KHDRBS1: variants seen among roughly 807,000 people sequenced by gnomAD.
The protein encoded by KHDRBS1 is KH RNA binding domain containing, signal transduction associated 1, also known as KH domain-containing, RNA-binding, signal transduction-associated protein 1.
Under a neutral mutation model 48.4 loss-of-function variants are expected in KHDRBS1, and 7 were observed. The ratio of observed to expected loss-of-function variants is 0.14; its 90% CI spans 0.08 to 0.27. The LOEUF is 0.27. KHDRBS1 is among the 10% of genes least tolerant of loss of function. KHDRBS1 has a pLI of 1.00. For missense variants in KHDRBS1, 458 were observed against 601.2 expected, an observed-to-expected ratio of 0.76 and a Z score of 2.49; for synonymous variants, 241 against 235.8, an observed-to-expected ratio of 1.02 and a Z score of -0.20.
At chr1:32,017,450 T>C (rs2124354113) in intron 1 of KHDRBS1, among the ~76,000 whole-genome samples, 1 of 152,104 alleles carries the variant, frequency 6.6e-6, no homozygotes, top group East Asian at 1.9e-4. Flanking sequence ...CTAAGTAAAA[T>C]GCTGTTGTAT....
rs537608271 is a variant in KHDRBS1, at chr1:32,025,475, A to G, written c.383-4823A>G. On this transcript the variant is annotated intron_variant, in intron 1 of 8. Coordinates refer to ENST00000327300, the MANE Select transcript of KHDRBS1 (RefSeq NM_006559.3). ...GCCACCATGCCCAGCTCATTTTTGT[A>G]CTTTTAATAGAGATGGGGTTTCACT... Among the ~76,000 whole-genome samples, 9 of 150,928 alleles carry G rather than the reference A, an allele frequency of 6.0e-5. No homozygotes were observed. The East Asian group carries it at 1.8e-3, about 31-fold the overall frequency.
intron 10 of KHDRBS1, among the ~76,000 whole-genome samples, chr1:32,049,182 A>C (rs1639389039): frequency 6.6e-6 from 1 of 151,402 alleles, no homozygotes; most frequent in African/African-American, 2.4e-5. Context: ...TGCCTTCCTG[A>C]GTAGCTGGGA....
At chr1:32,017,201 TGAGCCCAG>T (rs1173895940) in intron 1 of KHDRBS1, among the ~76,000 whole-genome samples, 2 of 150,930 alleles carry the variant, frequency 1.3e-5, no homozygotes, top group Non-Finnish European at 2.9e-5. Flanking sequence ...GAGGTTACAG[TGAGCCCAG>T]ATTGCACCAT....
intron 1 of KHDRBS1, among the ~76,000 whole-genome samples, chr1:32,016,037 G>C (rs1028740360): frequency 6.6e-6 from 1 of 151,996 alleles, no homozygotes; most frequent in Non-Finnish European, 1.5e-5. Context: ...AATTAGCTTC[G>C]CGTGGTGGCG....
intron 1 of KHDRBS1, among the ~76,000 whole-genome samples, chr1:32,027,955 A>C (rs6686158): frequency 0.028 from 4,218 of 152,226 alleles, 186 homozygotes; most frequent in African/African-American, 0.095. Flanking sequence ...TCTACTAAAA[A>C]TAGGGAAAAA....
Position 32,037,965 on chromosome 1 carries a change from A to G in KHDRBS1, c.1036A>G (p.Arg346Gly). The G allele has an allele frequency of 1.2e-6, 2 of 1,614,272 alleles. No homozygotes were observed. The highest frequency in any genetic ancestry group is 1.7e-6 in the Non-Finnish European group (2 of 1,180,050). ...PPTVRGAPAP[R>G]ARTAGIQRIP... Reference sequence around the variant, plus strand: ...TACTGTGAGGGGTGCTCCAGCACCAAGAGCACGGACAGCGGGCATCCAGAG... The same window carrying G: ...TACTGTGAGGGGTGCTCCAGCACCAGGAGCACGGACAGCGGGCATCCAGAG... Residue 346 changes from arginine (R) to glycine (G), a missense_variant, in exon 6 of 9, where the codon AGA (arginine) becomes GGA (glycine). This residue lies in a region of KHDRBS1 where 171 missense variants were observed against 228.7 expected (regional missense o/e 0.75). Coordinates refer to ENST00000327300, the MANE Select transcript of KHDRBS1 (RefSeq NM_006559.3).
chr1:32,026,636 CCTT>C (rs1175173135), intron 1 of KHDRBS1, among the ~76,000 whole-genome samples: 2 of 152,156 alleles, frequency 1.3e-5, no homozygotes, highest in Non-Finnish European at 2.9e-5. Flanking sequence ...TATAAACACA[CCTT>C]CTTGTAGGAG....
rs747735347 is a variant in KHDRBS1 at position 32,038,584 on chromosome 1, C to T, written c.1140C>T (p.Tyr380=). 5.6e-6 allele frequency: 9 copies of T among 1,613,542 alleles called. No individual in the cohort carries two copies. The highest frequency in any genetic ancestry group is 1.1e-5 in the South Asian group (1 of 91,062). ...ATGATACATACGCAGAACAAAGTTA[C>T]GAAGGCTACGAAGGCTATTACAGCC... The part of the protein sequence containing the change: ...GYDDTYAEQS[Y]EGYEGYYSQS... Residue 380 remains tyrosine, a synonymous_variant, in exon 7 of 9, where the codon TAC becomes TAT. Transcript: ENST00000327300.
intron 1 of KHDRBS1, among the ~76,000 whole-genome samples, chr1:32,015,180 T>C (rs1638716024): frequency 6.6e-6 from 1 of 152,098 alleles, no homozygotes. Context: ...CTTGGCCTTT[T>C]TGTTGCTGTT....
chr1:32,026,006 TG>T (rs1161510946), intron 1 of KHDRBS1, among the ~76,000 whole-genome samples: 1 of 151,678 alleles, frequency 6.6e-6, no homozygotes, highest in Non-Finnish European at 1.5e-5. Context: ...CTCAAGCTCC[TG>T]GGCTCAAAGC....
chr1:32,021,295 C>G (rs2124360925), intron 1 of KHDRBS1, among the ~76,000 whole-genome samples: 1 of 151,856 alleles, frequency 6.6e-6, no homozygotes, highest in East Asian at 1.9e-4. Context: ...AATACCCAGC[C>G]TTTCTATACC....
chr1:32,027,599 G>T (rs887077768), intron 1 of KHDRBS1, among the ~76,000 whole-genome samples: 1 of 152,250 alleles, frequency 6.6e-6, no homozygotes, highest in East Asian at 1.9e-4. Context: ...AGGAGTAAAG[G>T]TTTTTAATTA....
At chr1:32,028,271 A>G (rs1226739081) in intron 1 of KHDRBS1, among the ~76,000 whole-genome samples, 2 of 152,018 alleles carry the variant, frequency 1.3e-5, no homozygotes, top group African/African-American at 4.8e-5. Flanking sequence ...TGGAAATGCA[A>G]ATTCCTAACA....
intron 10 of KHDRBS1, among the ~76,000 whole-genome samples, chr1:32,059,073 CTG>C (rs1639513556): frequency 6.8e-6 from 1 of 147,422 alleles, no homozygotes; most frequent in Admixed American, 7.0e-5. Flanking sequence ...AGGAGAATCA[CTG>C]GAACCCAGAA....
intron 3 of KHDRBS1, among the ~76,000 whole-genome samples, chr1:32,032,638 A>C (rs1425985951): frequency 6.6e-6 from 1 of 152,184 alleles, no homozygotes; most frequent in African/African-American, 2.4e-5. Context: ...AATTAACTGT[A>C]AGCAGCAGAC....
intron 1 of KHDRBS1, among the ~76,000 whole-genome samples, chr1:32,016,439 A>G (rs1638742442): frequency 6.6e-6 from 1 of 152,150 alleles, no homozygotes. Flanking sequence ...CCCTCACTAT[A>G]GTGCCTGCTG....
chr1:32,038,750 A>G lies in KHDRBS1; in HGVS notation c.1175+131A>G, dbSNP rs895264541. The G allele has an allele frequency of 9.1e-6, 7 of 769,212 alleles. No individual in the cohort carries two copies. In the African/African-American group the frequency reaches 1.2e-4, roughly 13 times the overall value. 47.6% of individuals were successfully genotyped at this position (769,212 alleles called of 1,614,324 possible). On this transcript the variant is annotated intron_variant, in intron 7 of 8. Transcript: ENST00000327300. ...GCCTTTTGAGGGTATCTCCTCTGCAACCCCCACAGTCCTGACTGGTCTTGA... is the reference window on the plus strand; with the variant it reads ...GCCTTTTGAGGGTATCTCCTCTGCAGCCCCCACAGTCCTGACTGGTCTTGA...
intron 10 of KHDRBS1, among the ~76,000 whole-genome samples, chr1:32,058,510 C>T (rs1054953867): frequency 1.3e-5 from 2 of 152,160 alleles, no homozygotes; most frequent in Admixed American, 6.5e-5. Flanking sequence ...CCTAACATCC[C>T]ACTGAAGACA....
intron 3 of KHDRBS1, 147 bp from the exon 4 acceptor site, chr1:32,033,041 T>A: frequency 1.6e-6 from 1 of 606,172 alleles, no homozygotes; most frequent in Non-Finnish European, 2.9e-6. Context: ...TTTTCTTTTT[T>A]TGTTTAATTC....
Sources: gnomAD v4.1 joint callset for allele counts (sites outside exome capture counted in the v4.1 genomes callset) on GRCh38, gnomAD v4.1.1 for gene constraint, gnomAD v4.1.1 regional missense constraint, MANE v1.5 for transcripts, NCBI Gene and HGNC (gene_info 2026-07-23, HGNC 2026-07-21) for gene names.